TMEM209: variants seen among roughly 807,000 people sequenced by gnomAD.
TMEM209 encodes the protein transmembrane protein 209, also known as testicular tissue protein Li 202.
Under a neutral mutation model 76.2 loss-of-function variants are expected in TMEM209, and 65 were observed. That is an observed-to-expected ratio of 0.85 (90% CI 0.70 to 1.05). The LOEUF is 1.05. Among genes scored for constraint, TMEM209 ranks in the 50% least tolerant of loss-of-function variants. TMEM209 has a pLI of 0.00. For synonymous variants in TMEM209, 239 were observed against 237.6 expected (o/e 1.01, Z -0.06); for missense variants, 623 against 685.5 (o/e 0.91, Z 1.02).
intron 5 of TMEM209, among the ~76,000 whole-genome samples, chr7:130,196,070 C>T (rs1797961350): frequency 6.6e-6 from 1 of 151,924 alleles, no homozygotes; most frequent in Non-Finnish European, 1.5e-5. Flanking sequence ...CTGTTCATAC[C>T]CCAGCAAAAT....
In TMEM209 at chr7:130,181,557, A is replaced by C. The variant is rs1366497586; in HGVS notation, c.1120+66T>G. 1.4e-5 allele frequency: 19 copies of C among 1,367,048 alleles called. No individual in the cohort carries two copies. In the Admixed American group the frequency reaches 3.7e-4, roughly 27 times the overall value. 84.7% of individuals were successfully genotyped at this position (1,367,048 alleles called of 1,614,324 possible). On this transcript the variant is annotated intron_variant, in intron 9 of 14. Coordinates refer to ENST00000397622, the MANE Select transcript of TMEM209 (RefSeq NM_032842.4). ...AACAAAATAAGTTAAGCCGTCCATTACAAGAAGTTTTCCACTTGGTAGATT... is the reference window on the plus strand; with the variant it reads ...AACAAAATAAGTTAAGCCGTCCATTCCAAGAAGTTTTCCACTTGGTAGATT...
chr7:130,173,962 T>C, intron 11 of TMEM209, 23 bp from the exon 12 acceptor site: 1 of 1,517,582 alleles, frequency 6.6e-7, no homozygotes, highest in Non-Finnish European at 9.2e-7. Flanking sequence ...AAATAATTTT[T>C]TTTTAAGTCA....
chr7:130,175,665 A>C (rs1279209061), intron 10 of TMEM209, 56 bp from the exon 11 acceptor site: 7 of 1,381,598 alleles, frequency 5.1e-6, no homozygotes, highest in Non-Finnish European at 6.9e-6. Context: ...AAGAAAAGAA[A>C]AAAAAAGCTA....
At chr7:130,205,346 A>G in intron 1 of TMEM209, 27 bp downstream of exon 1, 3 of 1,613,918 alleles carry the variant, frequency 1.9e-6, no homozygotes, top group Non-Finnish European at 2.5e-6. Flanking sequence ...CAAGACAGGA[A>G]GCACAAACAC....
chr7:130,191,115 GC>G (rs1043237876), intron 6 of TMEM209, among the ~76,000 whole-genome samples: 2 of 152,058 alleles, frequency 1.3e-5, no homozygotes, highest in African/African-American at 4.8e-5. Flanking sequence ...GTATAGAAGG[GC>G]TAAAAGTATA....
intron 5 of TMEM209, among the ~76,000 whole-genome samples, chr7:130,194,068 G>C (rs1345960094): frequency 6.6e-6 from 1 of 151,738 alleles, no homozygotes; most frequent in South Asian, 2.1e-4. Flanking sequence ...GTGTGGTGGC[G>C]GGCACCTGTA....
chr7:130,196,438 G>A (rs1313200628), intron 5 of TMEM209, among the ~76,000 whole-genome samples: 1 of 151,940 alleles, frequency 6.6e-6, no homozygotes, highest in East Asian at 1.9e-4. Context: ...ATTGTGCTAA[G>A]GAAACAAAGA....
Position 130,181,753 on chromosome 7 carries a change from AATTCCCAAGTAGCTGTC to A in TMEM209, c.1024-51_1024-35del. The A allele has an allele frequency of 3.3e-6, 5 of 1,531,634 alleles. No homozygotes were observed. In the South Asian group the frequency reaches 4.7e-5, roughly 14 times the overall value. 94.9% of individuals were successfully genotyped at this position (1,531,634 alleles called of 1,614,324 possible). A position where few individuals can be genotyped will look rare whatever the true frequency, so the allele number is the denominator to read the frequency against. On this transcript the variant is annotated intron_variant, in intron 8 of 14. Coordinates refer to ENST00000397622, the MANE Select transcript of TMEM209 (RefSeq NM_032842.4). ...AATAAGGTACAGATTTTGGATACAT[AATTCCCAAGTAGCTGTC>A]AAATAATTACTTTCTTTTTTACAAG...
chr7:130,178,215 G>A (rs1366132726), intron 10 of TMEM209, among the ~76,000 whole-genome samples, 187 bp downstream of exon 10: 4 of 152,174 alleles, frequency 2.6e-5, no homozygotes, highest in Non-Finnish European at 5.9e-5. Flanking sequence ...GAGTGAAATA[G>A]TCACTGGAGC....
intron 3 of TMEM209, 97 bp from the exon 4 acceptor site, chr7:130,202,760 C>A (rs1345087208): frequency 1.5e-6 from 2 of 1,304,302 alleles, no homozygotes; most frequent in Non-Finnish European, 2.0e-6. Flanking sequence ...AAATTACCTT[C>A]TTATTCCTCA....
In TMEM209 at chr7:130,185,318, A is replaced by C. The variant is rs934385139; in HGVS notation, c.825T>G (p.Tyr275Ter). 1 of 1,613,868 alleles carries C rather than the reference A, an allele frequency of 6.2e-7. No homozygotes were observed. The highest frequency in any genetic ancestry group is 1.7e-5 in the Admixed American group (1 of 60,000). The change falls in exon 7 of 15, where the codon TAT becomes TAG. Residue 275 changes from tyrosine to a stop codon, truncating the protein, a stop_gained. Transcript: ENST00000397622. LOFTEE classifies it high-confidence loss of function. ...SPSSSPTFWNYSRSMGDYAQT... is the reference protein window; with the variant it reads ...SPSSSPTFWN ...GTGCATAATCCCCCATAGAACGACT[A>C]TAGTTCCAGAAAGTAGGACTGCTGG...
chr7:130,204,190 A>G (rs1340518103), intron 1 of TMEM209, 80 bp from the exon 2 acceptor site: 2 of 1,463,764 alleles, frequency 1.4e-6, no homozygotes, highest in African/African-American at 1.4e-5. Context: ...CATCCCTTAT[A>G]AAGGTAACTG....
intron 7 of TMEM209, among the ~76,000 whole-genome samples, chr7:130,184,918 T>C (rs938949466): frequency 4.6e-5 from 7 of 152,362 alleles, no homozygotes; most frequent in African/African-American, 1.7e-4. Flanking sequence ...AGTACAATTA[T>C]ATACCTGAGA....
chr7:130,178,547 A>C lies in TMEM209; in HGVS notation c.1121-20T>G, dbSNP rs1797315082. Reference sequence around the variant, plus strand: ...TAGCCTCTGTTAACATAAAACACAGAGAACACTGATTATTCTAAAAGTGAG... The same window carrying C: ...TAGCCTCTGTTAACATAAAACACAGCGAACACTGATTATTCTAAAAGTGAG... On this transcript the variant is annotated intron_variant, in intron 9 of 14. Transcript: ENST00000397622. 2 of 1,611,940 alleles carry C rather than the reference A, an allele frequency of 1.2e-6. No homozygotes were observed. The highest frequency in any genetic ancestry group is 2.7e-5 in the African/African-American group (2 of 74,854).
intron 5 of TMEM209, 143 bp from the exon 6 acceptor site, chr7:130,192,966 A>G: frequency 1.3e-6 from 1 of 742,702 alleles, no homozygotes; most frequent in Admixed American, 2.8e-5. Context: ...GTTGTGGAAC[A>G]ACAGAATCTC....
chr7:130,190,400 C>G (rs1362599135), intron 6 of TMEM209, among the ~76,000 whole-genome samples: 2 of 151,820 alleles, frequency 1.3e-5, no homozygotes, highest in African/African-American at 4.8e-5. Flanking sequence ...TGCCTGTAAT[C>G]CTAGCTACTT....
At chr7:130,197,834 T>C (rs1333668227) in intron 5 of TMEM209, among the ~76,000 whole-genome samples, 1 of 152,224 alleles carries the variant, frequency 6.6e-6, no homozygotes, top group Non-Finnish European at 1.5e-5. Context: ...ATTTGACAGA[T>C]TTGTCTATTT....
At chr7:130,189,115 G>C (rs1016977248) in intron 6 of TMEM209, among the ~76,000 whole-genome samples, 1 of 151,984 alleles carries the variant, frequency 6.6e-6, no homozygotes, top group African/African-American at 2.4e-5. Flanking sequence ...GCACTACAAG[G>C]GTCAGTATTG....
intron 6 of TMEM209, among the ~76,000 whole-genome samples, chr7:130,187,651 TAA>T (rs200046329): frequency 2.0e-4 from 27 of 132,478 alleles, no homozygotes; most frequent in Non-Finnish European, 2.0e-4. Flanking sequence ...TTGGGAGACT[TAA>T]AAAAAAAAAA....
Sources: allele counts gnomAD v4.1 joint callset (sites outside exome capture counted in the v4.1 genomes callset), GRCh38; gene constraint gnomAD v4.1.1; transcripts MANE v1.5; gene names NCBI Gene and HGNC (gene_info 2026-07-23, HGNC 2026-07-21).